The following GLYATL2 variants were observed in gnomAD, a reference collection of about 807,000 sequenced individuals.
GLYATL2 encodes glycine N-acyltransferase-like protein 2.
Under a neutral mutation model 21.4 loss-of-function variants are expected in GLYATL2, and 25 were observed. That is an observed-to-expected ratio of 1.17 (90% confidence interval 0.85 to 1.63). The LOEUF (loss-of-function observed/expected upper bound fraction) is 1.63. Ranked by LOEUF, GLYATL2 falls within the 40% of genes most tolerant of loss-of-function variation. GLYATL2 has a pLI of 0.00. For synonymous variants in GLYATL2, 114 were observed against 118.2 expected, an observed-to-expected ratio of 0.96 and a Z score of 0.23; for missense variants, 361 against 343.3, an observed-to-expected ratio of 1.05 and a Z score of -0.41.
At chr11:58,880,408 G>A (rs1201760521) in intron 1 of GLYATL2, among the ~76,000 whole-genome samples, 2 of 152,306 alleles carry the variant, frequency 1.3e-5, no homozygotes, top group East Asian at 3.9e-4. Flanking sequence ...AGATGTGGCA[G>A]CTGATTAGTG....
intron 1 of GLYATL2, among the ~76,000 whole-genome samples, chr11:58,895,585 A>G (rs2134625666): frequency 6.6e-6 from 1 of 152,328 alleles, no homozygotes; most frequent in East Asian, 1.9e-4. Flanking sequence ...GGTCCCCATC[A>G]TGATCATCAC....
At chr11:58,877,305 C>T (rs1450279131) in intron 1 of GLYATL2, among the ~76,000 whole-genome samples, 1 of 152,160 alleles carries the variant, frequency 6.6e-6, no homozygotes, top group Non-Finnish European at 1.5e-5. Context: ...CAGCACTCCC[C>T]AGTGAGATGA....
rs940790584 is a variant in GLYATL2 at position 58,867,029 on chromosome 11, C to T, written n.61-28661G>A. ...AGAAGCAGCCCAGAGGCCCTTGACA[C>T]ATTGTGAGAGTATGCAGAGGGTGGG... On this transcript the variant is annotated intron_variant and non_coding_transcript_variant, in intron 1 of 4. Transcript: ENST00000533636. Among the ~76,000 whole-genome samples the T allele has an allele frequency of 1.3e-5, 2 of 148,818 alleles. 1 individual carries two copies. The highest frequency in any genetic ancestry group is 3.0e-5 in the Non-Finnish European group (2 of 67,110).
At chr11:58,842,571 TC>T (rs1853573514) in intron 1 of GLYATL2, among the ~76,000 whole-genome samples, 2 of 151,620 alleles carry the variant, frequency 1.3e-5, no homozygotes, top group South Asian at 4.2e-4. Flanking sequence ...TGCCTTGTGC[TC>T]TGAGCTACCA....
rs781429288 is a variant in GLYATL2 at position 58,837,091 on chromosome 11, T to C, written c.400A>G (p.Ile134Val). 2.3e-5 allele frequency: 37 copies of C among 1,613,612 alleles called. 1 individual carries two copies. Among genetic ancestry groups the C allele is most frequent in the Non-Finnish European group, 3.0e-5 (35 of 1,179,648 alleles). The change falls in exon 5 of 6, where the codon ATA (isoleucine) becomes GTA (valine). Residue 134 changes from isoleucine to valine, a missense_variant. Coordinates refer to ENST00000287275, the MANE Select transcript of GLYATL2 (RefSeq NM_145016.4). ...TTGTGTTTCTTTGGTAATTCCGGTA[T>C]AAAGAGGATGGTTTTCATGTAATCT... ...QVDYMKTILF[I>V]PELPKKHKTS...
At chr11:58,884,556 C>T (rs488093) in intron 1 of GLYATL2, among the ~76,000 whole-genome samples, 131,632 of 152,180 alleles carry the variant, frequency 0.86, 58,290 homozygotes, top group Non-Finnish European at 0.96. Context: ...ACTTCTCAGG[C>T]ATCTGATGAC....
chr11:58,894,495 C>G (rs1482554627), intron 1 of GLYATL2, among the ~76,000 whole-genome samples: 1 of 51,142 alleles, frequency 2.0e-5, no homozygotes, highest in Non-Finnish European at 5.2e-5. Flanking sequence ...AAAAAAAAAG[C>G]ATTTTCATTC....
At chr11:58,897,447 C>A (rs188693476) in intron 1 of GLYATL2, among the ~76,000 whole-genome samples, 3 of 152,256 alleles carry the variant, frequency 2.0e-5, no homozygotes, top group Admixed American at 1.3e-4. Context: ...AGGGTGCCAA[C>A]CTTTTAGAAC....
intron 1 of GLYATL2, among the ~76,000 whole-genome samples, chr11:58,886,123 G>A (rs1316769138): frequency 6.6e-6 from 1 of 152,150 alleles, no homozygotes; most frequent in African/African-American, 2.4e-5. Flanking sequence ...GGCTGAGGTG[G>A]GAGGATGGCT....
chr11:58,907,278 C>G (rs1164740198), upstream of GLYATL2: 10 of 456,168 alleles, frequency 2.2e-5, no homozygotes, highest in Non-Finnish European at 4.4e-5. Flanking sequence ...TCTCTTGTCA[C>G]CTTGGTCTCT....
At chr11:58,908,579 A>T, upstream of GLYATL2, 1 of 181,694 alleles carries the variant, frequency 5.5e-6, no homozygotes, top group Non-Finnish European at 1.2e-5. Flanking sequence ...TCCTCACTGG[A>T]GAGATAGTCT....
At chr11:58,882,556 C>A (rs1027270078) in intron 1 of GLYATL2, among the ~76,000 whole-genome samples, 15 of 152,250 alleles carry the variant, frequency 9.9e-5, no homozygotes, top group Middle Eastern at 3.4e-3. Context: ...ATGGTAGTTT[C>A]TTTTGCCATG....
At position 58,873,097 on chromosome 11, in the gene GLYATL2, G is replaced by A. The variant is rs1319391216; in HGVS notation, n.60+31059C>T. Among the ~76,000 whole-genome samples, 3 of 151,064 alleles carry A rather than the reference G, an allele frequency of 2.0e-5. No individual in the cohort carries two copies. The South Asian group carries it at 6.3e-4, about 32-fold the overall frequency. ...TTTGGCTCTCCGTTTGTCTGTTATT[G>A]GTGCATAAGAATGCTTGTGATTTTT... On this transcript the variant is annotated intron_variant and non_coding_transcript_variant, in intron 1 of 4. Transcript: ENST00000533636.
intron 1 of GLYATL2, among the ~76,000 whole-genome samples, chr11:58,859,973 C>T (rs1853902162): frequency 6.6e-6 from 1 of 152,088 alleles, no homozygotes; most frequent in South Asian, 2.1e-4. Flanking sequence ...TCCATTACTT[C>T]ATGTTTCTGT....
chr11:58,849,228 T>C (rs1239705570), upstream of GLYATL2, among the ~76,000 whole-genome samples: 4 of 152,102 alleles, frequency 2.6e-5, no homozygotes, highest in Admixed American at 1.3e-4. Flanking sequence ...TAGTGAGCAA[T>C]AAATAATCAC....
At chr11:58,877,086 C>T (rs960568885) in intron 1 of GLYATL2, among the ~76,000 whole-genome samples, 1 of 152,224 alleles carries the variant, frequency 6.6e-6, no homozygotes, top group African/African-American at 2.4e-5. Flanking sequence ...GACCTCTGTG[C>T]CTTGTGCAGG....
upstream of GLYATL2, among the ~76,000 whole-genome samples, chr11:58,847,181 C>T (rs1378027396): frequency 6.6e-6 from 1 of 152,062 alleles, no homozygotes; most frequent in Non-Finnish European, 1.5e-5. Flanking sequence ...GAATAACCTA[C>T]AGCAGTACCC....
At chr11:58,872,522 C>CT (rs1854142738) in intron 1 of GLYATL2, among the ~76,000 whole-genome samples, 2 of 152,346 alleles carry the variant, frequency 1.3e-5, no homozygotes, top group Non-Finnish European at 2.9e-5. Flanking sequence ...GTTTTCCCAG[C>CT]ACCATTTATG....
At chr11:58,888,510 T>C (rs1277338255) in intron 1 of GLYATL2, among the ~76,000 whole-genome samples, 2 of 151,996 alleles carry the variant, frequency 1.3e-5, no homozygotes, top group African/African-American at 2.4e-5. Flanking sequence ...TTAACATTCT[T>C]TTATACTTTT....
Sources: gnomAD v4.1 joint callset for allele counts (sites outside exome capture counted in the v4.1 genomes callset) on GRCh38, gnomAD v4.1.1 for gene constraint, MANE v1.5 for transcripts, NCBI Gene and HGNC (gene_info 2026-07-23, HGNC 2026-07-21) for gene names.